Variants in FHIT observed in about 807,000 individuals in gnomAD.
The protein encoded by FHIT is bis(5'-adenosyl)-triphosphatase.
FHIT carries 19 observed loss-of-function variants against 17.9 expected under a neutral mutation model. The observed-to-expected ratio is 1.06, with a 90% confidence interval of 0.74 to 1.56. The LOEUF is 1.56. FHIT is among the 40% of genes most tolerant of loss of function. The pLI is 0.00. For synonymous variants in FHIT, 81 were observed against 69.7 expected (o/e 1.16, Z -0.81); for missense variants, 248 against 189.2 (o/e 1.31, Z -1.82).
At chr3:60,740,051 G>C (rs1212682025) in intron 4 of FHIT, among the ~76,000 whole-genome samples, 4 of 152,206 alleles carry the variant, frequency 2.6e-5, no homozygotes, top group Non-Finnish European at 5.9e-5. Flanking sequence ...GAACTGTAAA[G>C]ACAGGCAAGA....
chr3:60,614,812 TTTTTTTTG>T (rs1420845525), intron 4 of FHIT, among the ~76,000 whole-genome samples: 2 of 73,824 alleles, frequency 2.7e-5, no homozygotes, highest in Admixed American at 1.6e-4. Flanking sequence ...AAAAGTTGTT[TTTTTTTTG>T]TTTTTTTTTT....
intron 1 of FHIT, among the ~76,000 whole-genome samples, chr3:61,216,101 A>T (rs2039666484): frequency 6.6e-6 from 1 of 152,186 alleles, no homozygotes; most frequent in Admixed American, 6.5e-5. Context: ...TTCATGTCTA[A>T]AACACCAAAA....
At chr3:60,018,465 G>A (rs1195313600) in intron 5 of FHIT, among the ~76,000 whole-genome samples, 1 of 152,098 alleles carries the variant, frequency 6.6e-6, no homozygotes, top group Non-Finnish European at 1.5e-5. Flanking sequence ...TCTGATTATT[G>A]CTCTCTTGGA....
Position 60,097,372 on chromosome 3 carries a change from G to T in FHIT, c.104-83220C>A, listed in dbSNP as rs796681772. Among the ~76,000 whole-genome samples, 4 of 152,226 alleles carry T rather than the reference G, an allele frequency of 2.6e-5. 1 individual carries two copies. Among genetic ancestry groups the T allele is most frequent in the African/African-American group, 9.6e-5 (4 of 41,562 alleles). ...TAGGAGCCCAGGGTAGTGCTACAAA[G>T]AGGACACACTGCCCCTGAGGTATAC... On this transcript the variant is annotated intron_variant, in intron 5 of 9. Coordinates refer to ENST00000492590, the MANE Select transcript of FHIT (RefSeq NM_002012.4).
At chr3:61,202,284 C>T (rs2039045154) in intron 1 of FHIT, among the ~76,000 whole-genome samples, 1 of 150,434 alleles carries the variant, frequency 6.6e-6, no homozygotes, top group South Asian at 2.1e-4. Context: ...GGCCCCTCTG[C>T]CTGGCCGCTG....
chr3:60,602,330 C>T (rs562482717), intron 4 of FHIT, among the ~76,000 whole-genome samples: 41 of 152,168 alleles, frequency 2.7e-4, no homozygotes, highest in Non-Finnish European at 5.7e-4. Context: ...TGGCCTCACA[C>T]TTTCTACAGC....
intron 5 of FHIT, among the ~76,000 whole-genome samples, chr3:60,086,360 C>A (rs1337105524): frequency 6.6e-6 from 1 of 152,166 alleles, no homozygotes; most frequent in Non-Finnish European, 1.5e-5. Context: ...CAAACCATAG[C>A]ATTCCACTCC....
intron 2 of FHIT, among the ~76,000 whole-genome samples, chr3:61,184,339 G>A (rs2038438482): frequency 1.3e-5 from 2 of 152,048 alleles, no homozygotes; most frequent in South Asian, 4.2e-4. Context: ...AGAGGATACA[G>A]ACATATATTA....
At chr3:60,747,829 A>AAG (rs2042389461) in intron 4 of FHIT, among the ~76,000 whole-genome samples, 7 of 152,232 alleles carry the variant, frequency 4.6e-5, no homozygotes, top group African/African-American at 1.7e-4. Flanking sequence ...TTTCAAGGTT[A>AAG]TATAATCAGC....
At chr3:60,155,126 G>A in intron 5 of FHIT, among the ~76,000 whole-genome samples, 1 of 149,520 alleles carries the variant, frequency 6.7e-6, no homozygotes, top group East Asian at 2.0e-4. Flanking sequence ...GGTCGAGGCT[G>A]CATAAGCCAT....
chr3:61,082,167 C>T (rs2035160177), intron 2 of FHIT, among the ~76,000 whole-genome samples: 1 of 151,984 alleles, frequency 6.6e-6, no homozygotes, highest in African/African-American at 2.4e-5. Context: ...GCACACATAC[C>T]CACTTAAACA....
intron 5 of FHIT, among the ~76,000 whole-genome samples, chr3:60,057,467 T>C (rs546193430): frequency 1.3e-5 from 2 of 152,252 alleles, no homozygotes; most frequent in African/African-American, 4.8e-5. Context: ...TACTCAGCCA[T>C]GAAAATGAAA....
At chr3:60,825,735 AC>A (rs1358429301) in intron 3 of FHIT, among the ~76,000 whole-genome samples, 1 of 151,306 alleles carries the variant, frequency 6.6e-6, no homozygotes, top group African/African-American at 2.4e-5. Flanking sequence ...CCAAAACCAT[AC>A]CCCCCACCTC....
At chr3:60,325,023 G>T (rs1224860990) in intron 5 of FHIT, among the ~76,000 whole-genome samples, 4 of 151,980 alleles carry the variant, frequency 2.6e-5, no homozygotes, top group Non-Finnish European at 5.9e-5. Flanking sequence ...TTTCTACTGT[G>T]CTAATATATC....
intron 8 of FHIT, among the ~76,000 whole-genome samples, chr3:59,805,608 T>G (rs901678473): frequency 1.3e-5 from 2 of 152,184 alleles, no homozygotes; most frequent in African/African-American, 4.8e-5. Context: ...AAGCTCCACC[T>G]TCAAAGTTTT....
At chr3:60,964,727 A>G (rs1482017050) in intron 3 of FHIT, among the ~76,000 whole-genome samples, 6 of 152,184 alleles carry the variant, frequency 3.9e-5, no homozygotes, top group African/African-American at 1.4e-4. Flanking sequence ...TCTGGGTTGA[A>G]AATTCTTGTC....
At chr3:60,554,871 G>C (rs548213250) in intron 4 of FHIT, among the ~76,000 whole-genome samples, 67 of 152,250 alleles carry the variant, frequency 4.4e-4, no homozygotes, top group African/African-American at 1.4e-3. Context: ...AAGCAATGCT[G>C]CTCATAGGTT....
chr3:61,207,498 C>T (rs1029981537), intron 1 of FHIT, among the ~76,000 whole-genome samples: 3 of 152,138 alleles, frequency 2.0e-5, no homozygotes, highest in Non-Finnish European at 4.4e-5. Context: ...AATTTCAGAG[C>T]CTGTTATTGG....
chr3:60,396,355 T>C (rs1309384858), intron 5 of FHIT, among the ~76,000 whole-genome samples: 1 of 152,186 alleles, frequency 6.6e-6, no homozygotes. Context: ...GTAAATCCCC[T>C]TGTTTTCTGA....
Sources: gnomAD v4.1 joint callset for allele counts (sites outside exome capture counted in the v4.1 genomes callset) on GRCh38, gnomAD v4.1.1 for gene constraint, MANE v1.5 for transcripts, NCBI Gene and HGNC (gene_info 2026-07-23, HGNC 2026-07-21) for gene names.